CFAP46: variants seen among roughly 807,000 people sequenced by gnomAD.
CFAP46 encodes the protein cilia- and flagella-associated protein 46.
In CFAP46, 245 loss-of-function variants were observed where a neutral mutation model predicts 325.7. The observed-to-expected ratio is 0.75, with a 90% confidence interval of 0.68 to 0.84. The LOEUF is 0.84. CFAP46 is among the 40% of genes least tolerant of loss of function. CFAP46 has a pLI of 0.00. For missense variants in CFAP46, 3,346 were observed against 3,543.0 expected, an observed-to-expected ratio of 0.94 and a Z score of 1.41; for synonymous variants, 1,523 against 1,495.9, an observed-to-expected ratio of 1.02 and a Z score of -0.42.
In CFAP46 at chr10:132,924,711, A is replaced by G; in HGVS notation, c.1241T>C (p.Leu414Pro). 1 of 1,535,146 alleles carries G rather than the reference A, an allele frequency of 6.5e-7. No homozygotes were observed. The highest frequency in any genetic ancestry group is 8.8e-7 in the Non-Finnish European group (1 of 1,140,768). ...RKPLAGVADV[L>P]EKLDSLMTLL... ...AGCGCCCCACCTGTCCAGCTTCTCC[A>G]GCACGTCCGCAACGCCAGCCAGGGG... Residue 414 changes from leucine to proline, a missense_variant, in exon 11 of 58, where the codon CTG (leucine) becomes CCG (proline). Leu to Pro is a moderately conservative substitution (Grantham distance 98). Transcript: ENST00000368586.
chr10:132,938,857 CCTCAGG>C, intron 4 of CFAP46, 104 bp from the exon 5 acceptor site: 2 of 1,045,340 alleles, frequency 1.9e-6, no homozygotes, highest in Non-Finnish European at 2.8e-6. Flanking sequence ...CCAGGAGGGG[CCTCAGG>C]TCCTCTCCAG....
chr10:132,940,868 T>A, intron 4 of CFAP46, 128 bp downstream of exon 4: 1 of 865,736 alleles, frequency 1.2e-6, no homozygotes, highest in Non-Finnish European at 1.9e-6. Context: ...TGATCACACG[T>A]GCATGAAAAT....
Position 132,916,676 on chromosome 10 carries a change from C to A in CFAP46, c.1993G>T (p.Val665Phe). The A allele has an allele frequency of 6.8e-7, 1 of 1,472,494 alleles. No homozygotes were observed. The allele number at this position is 1,472,494 out of a possible 1,614,324, so 91.2% of individuals were successfully genotyped here. A position where few individuals can be genotyped will look rare whatever the true frequency, so the allele number is the denominator to read the frequency against. The change falls in exon 17 of 58, where the codon GTT becomes TTT. Residue 665 changes from valine to phenylalanine, a missense_variant. By Grantham distance (50) the Val-to-Phe change is conservative (BLOSUM62 -1). Coordinates refer to ENST00000368586, the MANE Select transcript of CFAP46 (RefSeq NM_001200049.3). The part of the protein sequence containing the change: ...EVGFIHAEAT[V>F]HLLRSEGVEL... ...ACACCTTCTGACCGCAGCAAATGAA[C>A]CGTGGCCTGCAAAACACACATGCGG...
intron 33 of CFAP46, among the ~76,000 whole-genome samples, chr10:132,868,366 G>A (rs866885524): frequency 3.9e-5 from 6 of 152,216 alleles, no homozygotes; most frequent in African/African-American, 1.4e-4. Context: ...GAGGACAACC[G>A]GGCCAAAGAC....
At chr10:132,823,035 CGCTG>C (rs1847914605) in intron 50 of CFAP46, among the ~76,000 whole-genome samples, 1 of 96,038 alleles carries the variant, frequency 1.0e-5, no homozygotes, top group Non-Finnish European at 2.0e-5. Context: ...GCTGTGTGTG[CGCTG>C]ATGTGTGCTG....
At chr10:132,926,945 A>C (rs1849820144) in intron 9 of CFAP46, among the ~76,000 whole-genome samples, 1 of 152,028 alleles carries the variant, frequency 6.6e-6, no homozygotes, top group Non-Finnish European at 1.5e-5. Context: ...GGCCCCCAAC[A>C]CCTGGTACCC....
At position 132,869,157 on chromosome 10, in the gene CFAP46, A is replaced by T; in HGVS notation, c.4610+117T>A. ...CCACAGCCGTGTCCCCCAAGTGCTC[A>T]CTCTCCCCAGAGGGGCAGGAGTCCA... On this transcript the variant is annotated intron_variant, in intron 33 of 57. Coordinates refer to ENST00000368586, the MANE Select transcript of CFAP46 (RefSeq NM_001200049.3). This position sits in a 1 kb window ranked among gnomAD's most constrained non-coding sequence, Gnocchi z 6.2. The T allele has an allele frequency of 1.3e-6, 1 of 766,518 alleles. No homozygotes were observed. The highest frequency in any genetic ancestry group is 1.9e-6 in the Non-Finnish European group (1 of 519,226). 47.5% of individuals were successfully genotyped at this position (766,518 alleles called of 1,614,324 possible). A position where few individuals can be genotyped will look rare whatever the true frequency, so the allele number is the denominator to read the frequency against.
intron 22 of CFAP46, 87 bp downstream of exon 22, chr10:132,908,381 C>T: frequency 6.8e-7 from 1 of 1,473,220 alleles, no homozygotes; most frequent in South Asian, 1.2e-5. Flanking sequence ...GTGGGGCGCT[C>T]ACCTGCTCCC....
In CFAP46 at chr10:132,938,545, C is replaced by A. The variant is rs778073959; in HGVS notation, c.536+44G>T. On this transcript the variant is annotated intron_variant, in intron 5 of 57. Transcript: ENST00000368586. ...GGGTGGTGGCCTCAGAGCCAGAGGG[C>A]GGCCCACCGGGAGGCCACAGAGGGC... 2.8e-5 allele frequency: 45 copies of A among 1,590,400 alleles called. No individual in the cohort carries two copies. In the Admixed American group the frequency reaches 3.6e-4, roughly 13 times the overall value.
chr10:132,835,546 G>A (rs1165711885), intron 46 of CFAP46, 112 bp from the exon 47 acceptor site: 1 of 1,358,276 alleles, frequency 7.4e-7, no homozygotes, highest in Admixed American at 2.0e-5. Flanking sequence ...AAGGCTGCAT[G>A]GATGGAAGTC....
chr10:132,844,655 T>C (rs759934530), intron 44 of CFAP46, among the ~76,000 whole-genome samples: 2 of 152,254 alleles, frequency 1.3e-5, no homozygotes, highest in Non-Finnish European at 2.9e-5. Flanking sequence ...GGCCGCCTCC[T>C]GGCCCTGCAC....
intron 44 of CFAP46, 124 bp downstream of exon 44, chr10:132,845,933 G>C (rs890926332): frequency 9.3e-7 from 1 of 1,079,612 alleles, no homozygotes; most frequent in South Asian, 1.6e-5. Flanking sequence ...CACGGGGAGG[G>C]ATGGCTCATG....
chr10:132,887,784 CCTCTCCTCTCCCCTCTT>C (rs1564790865), intron 25 of CFAP46, among the ~76,000 whole-genome samples: 2 of 77,646 alleles, frequency 2.6e-5, no homozygotes, highest in Non-Finnish European at 5.2e-5. Context: ...TCTTCTCTCT[CCTCTCCTCTCCCCTCTT>C]CTCTCCTCTC....
chr10:132,824,697 CGCTGATGTGTGCTGTGTGTGT>C (rs1564768142), intron 50 of CFAP46, among the ~76,000 whole-genome samples: 2 of 29,510 alleles, frequency 6.8e-5, no homozygotes, highest in Admixed American at 5.3e-4. Context: ...GCTGTGTGTG[CGCTGATGTGTGCTGTGTGTGT>C]ACTGATGTGT....
rs61728243 is a variant in CFAP46, at chr10:132,821,518, CTGTGTGCTGA to C, written c.7118-6614_7118-6605del. ...TGATGTGTGCTGTGTGCGCTGTGTG[CTGTGTGCTGA>C]TGTGTGCTGATGTGTGCTGTGTGCT... On this transcript the variant is annotated intron_variant, in intron 50 of 57. Coordinates refer to ENST00000368586, the MANE Select transcript of CFAP46 (RefSeq NM_001200049.3). 2.1e-3 allele frequency among the ~76,000 whole-genome samples: 229 copies of C among 108,504 alleles called. No homozygotes were observed. The South Asian group carries it at 0.029, about 14-fold the overall frequency. The allele number at this position is 108,504 out of a possible 152,430, so 71.2% of individuals were successfully genotyped here. A position where few individuals can be genotyped will look rare whatever the true frequency, so the allele number is the denominator to read the frequency against.
chr10:132,917,410 A>C (rs1030047987), intron 16 of CFAP46, among the ~76,000 whole-genome samples: 8 of 152,208 alleles, frequency 5.3e-5, no homozygotes, highest in African/African-American at 1.7e-4. Context: ...CTGGGTTTGG[A>C]TCCCACTCCG....
chr10:132,901,637 T>G (rs1849393368), intron 22 of CFAP46, among the ~76,000 whole-genome samples: 1 of 152,216 alleles, frequency 6.6e-6, no homozygotes, highest in Non-Finnish European at 1.5e-5. Flanking sequence ...TAGGATGCTA[T>G]TTTTGCTTTA....
At chr10:132,851,439 A>G (rs763389999) in intron 39 of CFAP46, 134 bp from the exon 40 acceptor site, 1 of 802,544 alleles carries the variant, frequency 1.2e-6, no homozygotes, top group Non-Finnish European at 1.9e-6. Context: ...TGGAAAACTG[A>G]CACACTTTGA....
At position 132,826,558 on chromosome 10, in the gene CFAP46, G is replaced by A. The variant is rs1457656318; in HGVS notation, c.7117+6800C>T. Among the ~76,000 whole-genome samples the A allele has an allele frequency of 1.1e-4, 14 of 124,520 alleles. No individual in the cohort carries two copies. The South Asian group carries it at 1.2e-3, about 10-fold the overall frequency. The allele number at this position is 124,520 out of a possible 152,430, so 81.7% of individuals were successfully genotyped here. A position where few individuals can be genotyped will look rare whatever the true frequency, so the allele number is the denominator to read the frequency against. On this transcript the variant is annotated intron_variant, in intron 50 of 57. Transcript: ENST00000368586. ...CCAGCCACGGAGCCAGGCAGGAGCC[G>A]GAGCCACAGAGACCAGCCACGGAGC...
Sources: gnomAD v4.1 joint callset for allele counts (sites outside exome capture counted in the v4.1 genomes callset) on GRCh38, gnomAD v4.1.1 for gene constraint, Gnocchi (gnomAD v3.1) non-coding constraint, MANE v1.5 for transcripts, NCBI Gene and HGNC (gene_info 2026-07-23, HGNC 2026-07-21) for gene names.